The following SLCO3A1 variants were observed in gnomAD, a reference collection of about 807,000 sequenced individuals.
SLCO3A1 encodes PGE1 transporter.
Under a neutral mutation model 63.1 loss-of-function variants are expected in SLCO3A1, and 27 were observed. The ratio of observed to expected loss-of-function variants is 0.43; its 90% confidence interval spans 0.32 to 0.59. The LOEUF (loss-of-function observed/expected upper bound fraction) is 0.59, where lower values mean the gene tolerates loss of function less well. SLCO3A1 is among the 20% of genes least tolerant of loss of function. The probability of loss-of-function intolerance (pLI) is 0.09; values close to 1 mark genes in which losing one functional copy is unlikely to be tolerated. For synonymous variants in SLCO3A1, 473 were observed against 409.9 expected (o/e 1.15, Z -1.86); for missense variants, 773 against 945.8 (o/e 0.82, Z 2.40).
intron 4 of SLCO3A1, among the ~76,000 whole-genome samples, chr15:92,107,118 C>A (rs2047676387): frequency 1.3e-5 from 2 of 152,186 alleles, no homozygotes; most frequent in Admixed American, 1.3e-4. Context: ...GTAGACAAGT[C>A]TGGGACCCGC....
intron 2 of SLCO3A1, among the ~76,000 whole-genome samples, chr15:92,075,201 T>C (rs1321364580): frequency 6.6e-6 from 1 of 152,192 alleles, no homozygotes; most frequent in Non-Finnish European, 1.5e-5. Flanking sequence ...GGAAACTTGG[T>C]GCTTAAGCTT....
intron 9 of SLCO3A1, among the ~76,000 whole-genome samples, chr15:92,159,148 T>TGAAA: frequency 6.6e-6 from 1 of 152,290 alleles, no homozygotes; most frequent in East Asian, 1.9e-4. Context: ...AAACAGACAT[T>TGAAA]GAAAGATCAA....
intron 2 of SLCO3A1, among the ~76,000 whole-genome samples, chr15:91,924,227 G>C (rs901508404): frequency 6.6e-6 from 1 of 152,196 alleles, no homozygotes. Flanking sequence ...AGCCTGGGGA[G>C]CTGGTCCTTG....
intron 7 of SLCO3A1, among the ~76,000 whole-genome samples, chr15:92,135,939 G>C (rs1010399856): frequency 6.6e-6 from 1 of 152,126 alleles, no homozygotes; most frequent in Non-Finnish European, 1.5e-5. Context: ...AGCTGAGGAG[G>C]GGAGGAGCAC....
At chr15:91,901,095 A>G (rs1898143109) in intron 1 of SLCO3A1, among the ~76,000 whole-genome samples, 4 of 148,774 alleles carry the variant, frequency 2.7e-5, no homozygotes, top group Admixed American at 1.3e-4. Flanking sequence ...TCTTTATTGT[A>G]CTCTTTTGTG....
chr15:92,060,204 G>A lies in SLCO3A1; in HGVS notation c.647-34677G>A, dbSNP rs190390671. Among the ~76,000 whole-genome samples the A allele has an allele frequency of 1.9e-3, 289 of 152,144 alleles. 1 individual carries two copies. The highest frequency in any genetic ancestry group is 5.4e-3 in the South Asian group (26 of 4,812). The stretch of plus-strand genomic sequence containing the variant: ...GAATGTGAATGCCTAGGACAGTATT[G>A]TACACTCCTGTACCATAGGCTACAC... On this transcript the variant is annotated intron_variant, in intron 2 of 9. Coordinates refer to ENST00000318445, the MANE Select transcript of SLCO3A1 (RefSeq NM_013272.4).
intron 1 of SLCO3A1, among the ~76,000 whole-genome samples, chr15:91,871,763 T>TG (rs1897284231): frequency 9.5e-6 from 1 of 105,324 alleles, no homozygotes; most frequent in Non-Finnish European, 1.8e-5. Flanking sequence ...TGTTTTTTTT[T>TG]GGTTTTTTTT....
intron 2 of SLCO3A1, among the ~76,000 whole-genome samples, chr15:92,005,943 C>CA (rs1408276117): frequency 1.3e-5 from 2 of 152,092 alleles, no homozygotes; most frequent in African/African-American, 4.8e-5. Context: ...TTCTAACTCT[C>CA]ACAGGAGGAA....
At chr15:92,089,019 A>T (rs964402559) in intron 2 of SLCO3A1, among the ~76,000 whole-genome samples, 1 of 149,996 alleles carries the variant, frequency 6.7e-6, no homozygotes, top group Non-Finnish European at 1.5e-5. Flanking sequence ...TTATTTATTT[A>T]TTTATTTATT....
chr15:92,061,666 G>A (rs1388037018), intron 2 of SLCO3A1, among the ~76,000 whole-genome samples: 2 of 152,232 alleles, frequency 1.3e-5, no homozygotes, highest in Non-Finnish European at 2.9e-5. Flanking sequence ...ACTGGCCACC[G>A]TGGTGGAGAT....
intron 4 of SLCO3A1, among the ~76,000 whole-genome samples, chr15:92,109,096 A>G (rs1032148065): frequency 2.0e-5 from 3 of 152,178 alleles, no homozygotes; most frequent in African/African-American, 4.8e-5. Context: ...GCCTGCATGT[A>G]TGTATAGACA....
At chr15:92,015,404 AAGAG>A (rs979582826) in intron 2 of SLCO3A1, among the ~76,000 whole-genome samples, 7 of 152,124 alleles carry the variant, frequency 4.6e-5, no homozygotes, top group Non-Finnish European at 1.0e-4. Context: ...AGGCAGCAGA[AAGAG>A]AGAAAAGCCC....
chr15:92,046,809 GT>G (rs1382461000), intron 2 of SLCO3A1, among the ~76,000 whole-genome samples: 14 of 149,972 alleles, frequency 9.3e-5, no homozygotes, highest in Non-Finnish European at 1.9e-4. Context: ...ATTTTTCGTT[GT>G]CTGTCACCTA....
chr15:91,880,085 C>A (rs182208063), intron 1 of SLCO3A1, among the ~76,000 whole-genome samples: 60 of 148,740 alleles, frequency 4.0e-4, no homozygotes, highest in African/African-American at 1.4e-3. Context: ...GCTCCTCAAC[C>A]TGCTTGTATG....
intron 2 of SLCO3A1, among the ~76,000 whole-genome samples, chr15:92,017,503 C>G (rs1463607928): frequency 1.3e-5 from 2 of 152,076 alleles, no homozygotes; most frequent in Admixed American, 1.3e-4. Flanking sequence ...CGCTCCCCTT[C>G]TCAAATCCAG....
intron 5 of SLCO3A1, among the ~76,000 whole-genome samples, chr15:92,124,750 A>G (rs2047901697): frequency 6.6e-6 from 1 of 152,204 alleles, no homozygotes; most frequent in Admixed American, 6.5e-5. Flanking sequence ...GTGGGGATGC[A>G]TGGATCTCTA....
Position 91,854,573 on chromosome 15 carries a change from A to G in SLCO3A1, c.180+485A>G, listed in dbSNP as rs1896864521. Among the ~76,000 whole-genome samples, 1 of 152,100 alleles carries G rather than the reference A, an allele frequency of 6.6e-6. No homozygotes were observed. Among genetic ancestry groups the G allele is most frequent in the Non-Finnish European group, 1.5e-5 (1 of 68,024 alleles). ...GCATCATTTTCTCCGGGCGCTTTCT[A>G]CATCCGCCAATTACAGGGGGATATA... On this transcript the variant is annotated intron_variant, in intron 1 of 9. Transcript: ENST00000318445. This position sits in a 1 kb window ranked among gnomAD's most constrained non-coding sequence, Gnocchi z 6.4.
chr15:92,133,422 T>G lies in SLCO3A1; in HGVS notation c.1512+4933T>G, dbSNP rs1380731279. Among the ~76,000 whole-genome samples, 3 of 146,084 alleles carry G rather than the reference T, an allele frequency of 2.1e-5. No homozygotes were observed. The East Asian group carries it at 5.8e-4, about 28-fold the overall frequency. ...CCATATAGCAGGGGTCCCCCACATCTAGCACCAGTGCCAGTCTGCGGTACT... is the reference window on the plus strand; with the variant it reads ...CCATATAGCAGGGGTCCCCCACATCGAGCACCAGTGCCAGTCTGCGGTACT... On this transcript the variant is annotated intron_variant, in intron 7 of 9. Coordinates refer to ENST00000318445, the MANE Select transcript of SLCO3A1 (RefSeq NM_013272.4).
At position 91,951,353 on chromosome 15, in the gene SLCO3A1, A is replaced by G. The variant is rs575815221; in HGVS notation, c.646+34895A>G. 2.6e-5 allele frequency among the ~76,000 whole-genome samples: 4 copies of G among 152,266 alleles called. 1 individual carries two copies. The highest frequency in any genetic ancestry group is 9.6e-5 in the African/African-American group (4 of 41,556). On this transcript the variant is annotated intron_variant, in intron 2 of 9. Coordinates refer to ENST00000318445, the MANE Select transcript of SLCO3A1 (RefSeq NM_013272.4). ...TTTGTGTCCAATTCTTTCACTTAGC[A>G]TAATGTTTTCAAGGTTTATTCACAT...
Sources: allele counts gnomAD v4.1 joint callset (sites outside exome capture counted in the v4.1 genomes callset), GRCh38; gene constraint gnomAD v4.1.1; non-coding constraint Gnocchi (gnomAD v3.1); transcripts MANE v1.5; gene names NCBI Gene and HGNC (gene_info 2026-07-23, HGNC 2026-07-21).